RABGAP1: variants seen among roughly 807,000 people sequenced by gnomAD.
The protein encoded by RABGAP1 is RAB GTPase activating protein 1.
Under a neutral mutation model 137.6 loss-of-function variants are expected in RABGAP1, and 23 were observed. That is an observed-to-expected ratio of 0.17 (90% CI 0.12 to 0.24). The LOEUF is 0.24. Among genes scored for constraint, RABGAP1 ranks in the 10% least tolerant of loss-of-function variants. The pLI is 1.00. For missense variants in RABGAP1, 906 were observed against 1,275.8 expected, an observed-to-expected ratio of 0.71 and a Z score of 4.42; for synonymous variants, 451 against 450.7, an observed-to-expected ratio of 1.00 and a Z score of -0.01.
chr9:122,992,576 C>T (rs944476036), intron 6 of RABGAP1, among the ~76,000 whole-genome samples: 40 of 151,650 alleles, frequency 2.6e-4, no homozygotes, highest in African/African-American at 9.4e-4. Flanking sequence ...GGACTTTGTT[C>T]TCCTTTTGCT....
intron 13 of RABGAP1, among the ~76,000 whole-genome samples, chr9:123,057,394 G>T (rs1426234778): frequency 6.6e-6 from 1 of 150,660 alleles, no homozygotes; most frequent in Non-Finnish European, 1.5e-5. Context: ...CCGGGCAGAG[G>T]TGCTCCTCAC....
intron 12 of RABGAP1, among the ~76,000 whole-genome samples, chr9:123,019,537 A>G (rs1034778706): frequency 6.6e-6 from 1 of 151,918 alleles, no homozygotes; most frequent in Admixed American, 6.6e-5. Flanking sequence ...CTGGTCCAGA[A>G]CTCCTGGGTT....
At chr9:122,986,122 C>A in intron 3 of RABGAP1, 93 bp from the exon 4 acceptor site, 1 of 1,164,554 alleles carries the variant, frequency 8.6e-7, no homozygotes, top group Non-Finnish European at 1.2e-6. Flanking sequence ...TAATTTTAGA[C>A]CTTAAATGTT....
At chr9:122,950,373 C>CTTTTTTTTTTTTT (rs1834164826) in intron 1 of RABGAP1, among the ~76,000 whole-genome samples, 1 of 48,800 alleles carries the variant, frequency 2.0e-5, no homozygotes, top group African/African-American at 7.9e-5. Flanking sequence ...TTTTCTTTTT[C>CTTTTTTTTTTTTT]TTTCTTTTTT....
intron 24 of RABGAP1, 30 bp downstream of exon 24, chr9:123,099,579 A>G (rs2035281997): frequency 6.5e-7 from 1 of 1,548,210 alleles, no homozygotes; most frequent in Non-Finnish European, 8.9e-7. Context: ...AAAAGATTTT[A>G]TACCACCTAC....
chr9:123,070,330 C>T lies in RABGAP1; in HGVS notation c.1909-20C>T. 6.2e-7 allele frequency: 1 copy of T among 1,613,622 alleles called. No homozygotes were observed. The highest frequency in any genetic ancestry group is 8.5e-7 in the Non-Finnish European group (1 of 1,179,800). ...GTGGCTACATTCATTTACATTTCCT[C>T]TGTGTGTTTTATTTTCCAGGCTTAT... On this transcript the variant is annotated intron_variant, in intron 14 of 25. Transcript: ENST00000373647. This position sits in a 1 kb window ranked among gnomAD's most constrained non-coding sequence, Gnocchi z 4.4.
chr9:123,019,059 T>C (rs2031439330), intron 12 of RABGAP1, among the ~76,000 whole-genome samples: 2 of 152,332 alleles, frequency 1.3e-5, no homozygotes, highest in Middle Eastern at 6.8e-3. Flanking sequence ...ATGGTTGTTC[T>C]GAAGGTCAAA....
chr9:123,061,362 G>T (rs555869171), intron 13 of RABGAP1, among the ~76,000 whole-genome samples: 11 of 152,298 alleles, frequency 7.2e-5, no homozygotes, highest in African/African-American at 2.2e-4. Flanking sequence ...TGGTTTACTC[G>T]CCTCGGCCTC....
chr9:122,986,578 T>C lies in RABGAP1; in HGVS notation c.590+159T>C, dbSNP rs569985682. Among the ~76,000 whole-genome samples the C allele has an allele frequency of 3.9e-5, 6 of 152,346 alleles. No homozygotes were observed. In the South Asian group the frequency reaches 6.2e-4, roughly 16 times the overall value. On this transcript the variant is annotated intron_variant, in intron 4 of 25. Transcript: ENST00000373647. ...CATGTCTCCCAAGGACTGTGACCTT[T>C]GTGAAAAATGGTTACTTATTTGTAA... is the stretch of plus-strand genomic sequence containing the variant.
rs1179584612 is a variant in RABGAP1, at chr9:122,957,030, C to G, written c.-30C>G. On this transcript the variant is annotated 5_prime_UTR_variant, in exon 2 of 26. The change creates a new upstream start codon in the 5' untranslated region. Coordinates refer to ENST00000373647, the MANE Select transcript of RABGAP1 (RefSeq NM_012197.4). ...TTTCAGGCATTAAAAAATATTTAAT[C>G]ATTCATGTGTTGAGACTCATTCTTG... The G allele has an allele frequency of 1.4e-6, 2 of 1,418,660 alleles. No individual in the cohort carries two copies. Among genetic ancestry groups the G allele is most frequent in the Admixed American group, 2.3e-5 (1 of 44,444 alleles). The allele number at this position is 1,418,660 out of a possible 1,614,324, so 87.9% of individuals were successfully genotyped here.
intron 12 of RABGAP1, among the ~76,000 whole-genome samples, chr9:123,019,176 T>C (rs1302569203): frequency 6.6e-6 from 1 of 152,252 alleles, no homozygotes; most frequent in Non-Finnish European, 1.5e-5. Context: ...AAGATTTCGA[T>C]AACTTGTAGT....
intron 2 of RABGAP1, among the ~76,000 whole-genome samples, chr9:122,972,960 G>A (rs1835545453): frequency 7.4e-6 from 1 of 134,968 alleles, no homozygotes; most frequent in African/African-American, 2.8e-5. Flanking sequence ...TATAGTGAGA[G>A]CCTATCTCTT....
chr9:122,956,933 T>C, intron 1 of RABGAP1, 78 bp from the exon 2 acceptor site: 1 of 726,670 alleles, frequency 1.4e-6, no homozygotes, highest in Non-Finnish European at 1.9e-6. Context: ...ATTCTGAATA[T>C]GTTGTGTAAG....
At chr9:123,044,653 GTA>G (rs746965974) in intron 13 of RABGAP1, among the ~76,000 whole-genome samples, 6 of 143,554 alleles carry the variant, frequency 4.2e-5, no homozygotes, top group Non-Finnish European at 9.4e-5. Flanking sequence ...GTGTGTGTGT[GTA>G]TGTGTATGTA....
At chr9:123,020,526 A>C (rs770881490) in intron 13 of RABGAP1, 67 bp downstream of exon 13, 15 of 1,335,836 alleles carry the variant, frequency 1.1e-5, no homozygotes, top group African/African-American at 1.5e-5. Flanking sequence ...AGATCATTAT[A>C]GTTATTTGAC....
chr9:122,996,269 T>C, intron 7 of RABGAP1, 118 bp downstream of exon 7: 1 of 1,425,050 alleles, frequency 7.0e-7, no homozygotes, highest in Non-Finnish European at 9.2e-7. Flanking sequence ...CCTAGGAAAT[T>C]ATTTTGTTTA....
chr9:123,024,905 AT>A (rs1398589096), intron 13 of RABGAP1, among the ~76,000 whole-genome samples: 1 of 152,168 alleles, frequency 6.6e-6, no homozygotes, highest in Admixed American at 6.5e-5. Flanking sequence ...TTATAAATAT[AT>A]TTTTTAATGA....
chr9:123,040,932 C>T (rs1178046783), intron 13 of RABGAP1, among the ~76,000 whole-genome samples: 1 of 152,068 alleles, frequency 6.6e-6, no homozygotes, highest in East Asian at 1.9e-4. Flanking sequence ...GCCCAGTGGC[C>T]ACTGGGTTAT....
intron 10 of RABGAP1, among the ~76,000 whole-genome samples, chr9:123,007,849 T>C (rs2030436200): frequency 6.7e-6 from 1 of 149,602 alleles, no homozygotes; most frequent in South Asian, 2.1e-4. Context: ...AATTATTTTA[T>C]ATGTTTATAA....
Sources: gnomAD v4.1 joint callset for allele counts (sites outside exome capture counted in the v4.1 genomes callset) on GRCh38, gnomAD v4.1.1 for gene constraint, Gnocchi (gnomAD v3.1) non-coding constraint, MANE v1.5 for transcripts, NCBI Gene and HGNC (gene_info 2026-07-23, HGNC 2026-07-21) for gene names.